Variants in ABCB4 observed in about 807,000 individuals in gnomAD.
ABCB4 encodes the protein ATP binding cassette subfamily B member 4, also known as phosphatidylcholine translocator ABCB4.
Under a neutral mutation model 145.7 loss-of-function variants are expected in ABCB4, and 76 were observed. The ratio of observed to expected loss-of-function variants is 0.52; its 90% confidence interval spans 0.43 to 0.63. ABCB4 has a LOEUF of 0.63. Ranked by LOEUF, ABCB4 falls within the 30% of genes least tolerant of loss-of-function variation. ABCB4 has a pLI of 0.00. For synonymous variants in ABCB4, 517 were observed against 566.8 expected (o/e 0.91, Z 1.25); for missense variants, 1,234 against 1,553.1 (o/e 0.79, Z 3.45).
At chr7:87,459,731 T>C (rs574972682) in intron 4 of ABCB4, among the ~76,000 whole-genome samples, 2 of 152,308 alleles carry the variant, frequency 1.3e-5, no homozygotes, top group South Asian at 2.1e-4. Flanking sequence ...TTTCTCTACA[T>C]TATTTCACAG....
intron 24 of ABCB4, 21 bp downstream of exon 24, chr7:87,409,215 A>G: frequency 1.2e-6 from 2 of 1,613,950 alleles, no homozygotes; most frequent in Non-Finnish European, 1.7e-6. Flanking sequence ...ATCAAGCATC[A>G]TCAGGCATCA....
At chr7:87,376,015 T>C in the ABCB4 span, 4 of 1,470,410 alleles carry the variant, frequency 2.7e-6, no homozygotes, top group Non-Finnish European at 3.6e-6. Flanking sequence ...TCATATTTAT[T>C]GAACATGGAA....
chr7:87,395,336 C>T, the ABCB4 span, among the ~76,000 whole-genome samples: 1 of 152,106 alleles, frequency 6.6e-6, no homozygotes, highest in South Asian at 2.1e-4. Flanking sequence ...CCCAGATTAA[C>T]GGTGGGTCTG....
chr7:87,382,345 A>G, the ABCB4 span: 22 of 1,529,062 alleles, frequency 1.4e-5, no homozygotes, highest in South Asian at 2.7e-4. Flanking sequence ...GCAGGTGATA[A>G]TTTGCTTCTC....
chr7:87,450,769 C>G (rs1394670155), intron 7 of ABCB4, among the ~76,000 whole-genome samples: 1 of 152,184 alleles, frequency 6.6e-6, no homozygotes, highest in East Asian at 1.9e-4. Context: ...TACTTCCAGA[C>G]CTCCTCATGG....
At chr7:87,433,603 GAAGT>G (rs1244105797) in intron 14 of ABCB4, among the ~76,000 whole-genome samples, 1 of 150,202 alleles carries the variant, frequency 6.7e-6, no homozygotes, top group Non-Finnish European at 1.5e-5. Context: ...CATCAATTTA[GAAGT>G]AAGCAACTGT....
downstream of ABCB4, chr7:87,399,710 T>A (rs528421656): frequency 1.2e-4 from 19 of 152,324 alleles, no homozygotes; most frequent in African/African-American, 4.6e-4. Flanking sequence ...CGCTGTTCAA[T>A]TTTGTAGTTT....
At chr7:87,437,325 T>A (rs193230770) in intron 14 of ABCB4, among the ~76,000 whole-genome samples, 1 of 152,266 alleles carries the variant, frequency 6.6e-6, no homozygotes, top group East Asian at 1.9e-4. Context: ...AGAATTGAGA[T>A]GGCCAGCCAA....
intron 4 of ABCB4, among the ~76,000 whole-genome samples, chr7:87,455,311 G>C (rs892730056): frequency 6.6e-6 from 1 of 152,176 alleles, no homozygotes; most frequent in Admixed American, 6.5e-5. Context: ...TTGATAAAAT[G>C]TCAATGTATC....
chr7:87,431,585 G>T lies in ABCB4; in HGVS notation c.1732-20C>A. ...TCTGGCCTAAAAGAACAAAAATGTG[G>T]TGCATCAGGGTTACAGTATTGGCAC... On this transcript the variant is annotated intron_variant, in intron 14 of 27. Transcript: ENST00000649586. 2 of 1,613,926 alleles carry T rather than the reference G, an allele frequency of 1.2e-6. No individual in the cohort carries two copies. Among genetic ancestry groups the T allele is most frequent in the Non-Finnish European group, 1.7e-6 (2 of 1,179,878 alleles).
chr7:87,452,638 T>C (rs1044371932), intron 6 of ABCB4: 1 of 412,732 alleles, frequency 2.4e-6, no homozygotes, highest in African/African-American at 2.0e-5. Context: ...CATCTATTCA[T>C]TGATTCAACC....
At chr7:87,431,625 T>G (rs1810240955) in intron 14 of ABCB4, 60 bp from the exon 15 acceptor site, 1 of 1,600,400 alleles carries the variant, frequency 6.2e-7, no homozygotes, top group Non-Finnish European at 8.6e-7. Context: ...TCAATTAACA[T>G]GCACAGTTAA....
intron 3 of ABCB4, among the ~76,000 whole-genome samples, chr7:87,463,396 C>T (rs1812598885): frequency 6.6e-6 from 1 of 152,162 alleles, no homozygotes; most frequent in Non-Finnish European, 1.5e-5. Flanking sequence ...TTTAAAAAGG[C>T]AACTCAGTAG....
At chr7:87,453,663 A>T (rs1276129124) in intron 5 of ABCB4, among the ~76,000 whole-genome samples, 12 of 152,224 alleles carry the variant, frequency 7.9e-5, no homozygotes, top group Admixed American at 7.9e-4. Context: ...ACTGTTAGCC[A>T]AAGAAAATGG....
Position 87,440,278 on chromosome 7 carries a change from C to T in ABCB4, c.1481G>A (p.Arg494His), listed in dbSNP as rs753652201. The T allele has an allele frequency of 7.1e-5, 115 of 1,614,004 alleles. No individual in the cohort carries two copies. Among genetic ancestry groups the T allele is most frequent in the Non-Finnish European group, 9.0e-5 (106 of 1,180,006 alleles). ...TTIAENICYGRGNVTMDEIKK... is the reference protein window; with the variant it reads ...TTIAENICYGHGNVTMDEIKK... ...TATCTCATCCATGGTTACATTTCCA[C>T]GGCCATAACAAATATTTTCAGCAAT... is the stretch of plus-strand genomic sequence containing the variant. The change falls in exon 13 of 28, where the codon CGT becomes CAT. Residue 494 changes from arginine (R) to histidine (H), a missense_variant. By Grantham distance (29) the Arg-to-His change is conservative (BLOSUM62 0). Coordinates refer to ENST00000649586, the MANE Select transcript of ABCB4 (RefSeq NM_000443.4).
At chr7:87,460,879 A>G (rs1812413411) in intron 4 of ABCB4, among the ~76,000 whole-genome samples, 1 of 152,158 alleles carries the variant, frequency 6.6e-6, no homozygotes, top group African/African-American at 2.4e-5. Context: ...CTCTATATGT[A>G]TACAAAATTA....
At chr7:87,412,638 T>C (rs772946988) in intron 22 of ABCB4, among the ~76,000 whole-genome samples, 10 of 152,246 alleles carry the variant, frequency 6.6e-5, no homozygotes, top group Non-Finnish European at 1.3e-4. Context: ...AGAACTATAA[T>C]TGAGTTACTC....
intron 23 of ABCB4, 125 bp from the exon 24 acceptor site, chr7:87,409,517 C>T (rs953955764): frequency 3.4e-5 from 32 of 939,954 alleles, no homozygotes; most frequent in African/African-American, 1.5e-4. Context: ...CCTTTCTCCC[C>T]GACATACATT....
In ABCB4 at chr7:87,453,060, C is replaced by T. The variant is rs1811860867; in HGVS notation, c.420G>A (p.Leu140=). The T allele has an allele frequency of 6.2e-7, 1 of 1,613,912 alleles. No homozygotes were observed. The change falls in exon 6 of 28, where the codon TTG becomes TTA. Residue 140 remains leucine, a synonymous_variant. Coordinates refer to ENST00000649586, the MANE Select transcript of ABCB4 (RefSeq NM_000443.4). ...TTTTCCTGATCTGTCGACCAGCTGC[C>T]AAAGTCCAAAATGAAACTTGTATAT... is the stretch of plus-strand genomic sequence containing the variant. The part of the protein sequence containing the change: ...AAYIQVSFWT[L]AAGRQIRKIR...
Sources: gnomAD v4.1 joint callset for allele counts (sites outside exome capture counted in the v4.1 genomes callset) on GRCh38, gnomAD v4.1.1 for gene constraint, MANE v1.5 for transcripts, NCBI Gene and HGNC (gene_info 2026-07-23, HGNC 2026-07-21) for gene names.